Variants in LDLRAD3 observed in about 807,000 individuals in gnomAD.
LDLRAD3 encodes low-density lipoprotein receptor class A domain-containing protein 3.
LDLRAD3 carries 20 observed loss-of-function variants against 29.4 expected under a neutral mutation model. The ratio of observed to expected loss-of-function variants is 0.68; its 90% CI spans 0.48 to 0.99. The LOEUF (loss-of-function observed/expected upper bound fraction) is 0.99, where lower values mean the gene tolerates loss of function less well. Ranked by LOEUF, LDLRAD3 falls within the 50% of genes least tolerant of loss-of-function variation. The pLI is 0.00. For missense variants in LDLRAD3, 420 were observed against 454.3 expected (o/e 0.92, Z 0.69); for synonymous variants, 157 against 192.7 (o/e 0.81, Z 1.53).
intron 1 of LDLRAD3, among the ~76,000 whole-genome samples, chr11:35,951,408 C>A (rs190207442): frequency 1.5e-3 from 228 of 152,278 alleles, no homozygotes; most frequent in Admixed American, 4.4e-3. Flanking sequence ...CATGTGAATG[C>A]GTCACATCTG....
At chr11:36,025,514 G>A (rs1262253848) in intron 1 of LDLRAD3, among the ~76,000 whole-genome samples, 4 of 151,058 alleles carry the variant, frequency 2.6e-5, no homozygotes, top group African/African-American at 7.3e-5. Context: ...TCAGCCTCCC[G>A]AGTAGCTGGG....
chr11:36,203,252 G>A lies in LDLRAD3; in HGVS notation c.455-23833G>A, dbSNP rs1045694989. Among the ~76,000 whole-genome samples the A allele has an allele frequency of 3.3e-5, 5 of 152,236 alleles. No homozygotes were observed. In the East Asian group the frequency reaches 5.8e-4, roughly 18 times the overall value. On this transcript the variant is annotated intron_variant, in intron 4 of 5. Transcript: ENST00000315571. The stretch of plus-strand genomic sequence containing the variant: ...AAAAGTGCTGAGATTACAGGTGTGA[G>A]CCCCCGCGTCCAGCCCTGTGCTACA...
chr11:36,121,237 A>G (rs149534297), intron 4 of LDLRAD3, among the ~76,000 whole-genome samples: 274 of 152,330 alleles, frequency 1.8e-3, no homozygotes, highest in Admixed American at 2.7e-3. Flanking sequence ...GGAGAAAATT[A>G]GGGGAATGAA....
At chr11:36,152,915 A>G (rs1268354285) in intron 4 of LDLRAD3, among the ~76,000 whole-genome samples, 1 of 152,170 alleles carries the variant, frequency 6.6e-6, no homozygotes, top group African/African-American at 2.4e-5. Flanking sequence ...GGGACCTCCA[A>G]CAAAGAGGGA....
intron 4 of LDLRAD3, among the ~76,000 whole-genome samples, chr11:36,125,923 C>G (rs979685838): frequency 1.3e-5 from 2 of 152,134 alleles, no homozygotes; most frequent in African/African-American, 4.8e-5. Flanking sequence ...AAGGCTACCC[C>G]CCTTGGAAGG....
chr11:35,961,226 C>G (rs1395913985), intron 1 of LDLRAD3, among the ~76,000 whole-genome samples: 1 of 152,216 alleles, frequency 6.6e-6, no homozygotes, highest in African/African-American at 2.4e-5. Context: ...GTGTCTCATT[C>G]TGTGATGCTG....
In LDLRAD3 at chr11:35,963,949, T is replaced by C. The variant is rs573256204; in HGVS notation, c.46+19805T>C. ...TGTGGTGAGTGGCACAAGAGTGATA[T>C]AGACCTAATGTTGCTGGAGTTAGAG... On this transcript the variant is annotated intron_variant, in intron 1 of 5. Coordinates refer to ENST00000315571, the MANE Select transcript of LDLRAD3 (RefSeq NM_174902.4). 2.4e-4 allele frequency among the ~76,000 whole-genome samples: 36 copies of C among 152,298 alleles called. No individual in the cohort carries two copies. The South Asian group carries it at 7.5e-3, about 32-fold the overall frequency.
At chr11:36,016,448 G>C (rs1852023206) in intron 1 of LDLRAD3, among the ~76,000 whole-genome samples, 1 of 152,202 alleles carries the variant, frequency 6.6e-6, no homozygotes, top group Non-Finnish European at 1.5e-5. Flanking sequence ...AATTTGGTGA[G>C]TAAGATGACT....
In LDLRAD3 at chr11:36,060,314, A is replaced by G. The variant is rs1023750033; in HGVS notation, c.194-21339A>G. ...GCTTGCAGTGAGCTGAGATTGCGCC[A>G]CTGCACTCCAGCCTGGGCGACAGAG... On this transcript the variant is annotated intron_variant, in intron 2 of 5. Transcript: ENST00000315571. Among the ~76,000 whole-genome samples, 18 of 149,766 alleles carry G rather than the reference A, an allele frequency of 1.2e-4. No individual in the cohort carries two copies. In the South Asian group the frequency reaches 3.8e-3, roughly 32 times the overall value.
chr11:36,090,392 T>G (rs944678632), intron 3 of LDLRAD3, among the ~76,000 whole-genome samples: 16 of 152,084 alleles, frequency 1.1e-4, no homozygotes, highest in East Asian at 7.8e-4. Context: ...GTTTCAGACA[T>G]GCAGAGTTTG....
At chr11:36,178,915 T>TGGACC (rs1854716877) in intron 4 of LDLRAD3, among the ~76,000 whole-genome samples, 1 of 152,232 alleles carries the variant, frequency 6.6e-6, no homozygotes, top group African/African-American at 2.4e-5. Flanking sequence ...AATTTGATTG[T>TGGACC]AAGTGTCTTG....
chr11:36,158,810 C>T (rs970358305), intron 4 of LDLRAD3, among the ~76,000 whole-genome samples: 8 of 151,890 alleles, frequency 5.3e-5, no homozygotes, highest in African/African-American at 1.9e-4. Context: ...TTAATTGATA[C>T]GTAATAATTG....
intron 1 of LDLRAD3, among the ~76,000 whole-genome samples, chr11:35,952,096 G>C (rs1291290740): frequency 1.3e-5 from 2 of 152,182 alleles, no homozygotes; most frequent in African/African-American, 2.4e-5. Context: ...TTCATTTTCA[G>C]AGTAGTTTAT....
At chr11:35,962,938 A>C (rs577359866) in intron 1 of LDLRAD3, among the ~76,000 whole-genome samples, 2 of 152,338 alleles carry the variant, frequency 1.3e-5, no homozygotes, top group African/African-American at 4.8e-5. Flanking sequence ...GGTAAAGACT[A>C]AACCAGAAGT....
chr11:36,228,200 A>G (rs1226486467), intron 5 of LDLRAD3, among the ~76,000 whole-genome samples: 1 of 151,928 alleles, frequency 6.6e-6, no homozygotes, highest in Non-Finnish European at 1.5e-5. Context: ...TCTTCCTTGG[A>G]CCCTCTTCCA....
intron 4 of LDLRAD3, among the ~76,000 whole-genome samples, chr11:36,109,524 T>C (rs1853578089): frequency 6.6e-6 from 1 of 152,184 alleles, no homozygotes; most frequent in Non-Finnish European, 1.5e-5. Flanking sequence ...ATTTTCTGAT[T>C]GTGCTTGCTT....
At chr11:36,114,075 C>G (rs1189084162) in intron 4 of LDLRAD3, among the ~76,000 whole-genome samples, 1 of 152,194 alleles carries the variant, frequency 6.6e-6, no homozygotes, top group Non-Finnish European at 1.5e-5. Context: ...TGATTAGCCA[C>G]AGTCTTTGCC....
At chr11:35,951,300 C>G (rs780978412) in intron 1 of LDLRAD3, among the ~76,000 whole-genome samples, 3 of 152,150 alleles carry the variant, frequency 2.0e-5, no homozygotes, top group African/African-American at 4.8e-5. Flanking sequence ...TACACACACA[C>G]AGAGACATAA....
chr11:36,155,197 C>G (rs1854330413), intron 4 of LDLRAD3, among the ~76,000 whole-genome samples: 1 of 152,196 alleles, frequency 6.6e-6, no homozygotes, highest in African/African-American at 2.4e-5. Context: ...GAAAGATTTT[C>G]AGATGCTGTT....
Sources: gnomAD v4.1 joint callset for allele counts (sites outside exome capture counted in the v4.1 genomes callset) on GRCh38, gnomAD v4.1.1 for gene constraint, MANE v1.5 for transcripts, NCBI Gene and HGNC (gene_info 2026-07-23, HGNC 2026-07-21) for gene names.